NKAIN3: variants seen among roughly 807,000 people sequenced by gnomAD.
NKAIN3 encodes the protein sodium/potassium transporting ATPase interacting 3, also known as sodium/potassium-transporting ATPase subunit beta-1-interacting protein 3.
NKAIN3 carries 25 observed loss-of-function variants against 30.2 expected under a neutral mutation model. The observed-to-expected ratio is 0.83, with a 90% CI of 0.60 to 1.16. The LOEUF (loss-of-function observed/expected upper bound fraction) is 1.16, where lower values mean the gene tolerates loss of function less well. Ranked by LOEUF, NKAIN3 falls within the 50% of genes most tolerant of loss-of-function variation. NKAIN3 has a pLI of 0.00. For synonymous variants in NKAIN3, 91 were observed against 89.6 expected (o/e 1.02, Z -0.09); for missense variants, 225 against 254.1 (o/e 0.89, Z 0.78).
intron 1 of NKAIN3, among the ~76,000 whole-genome samples, chr8:62,501,182 GA>G (rs1375294861): frequency 6.6e-6 from 1 of 152,014 alleles, no homozygotes; most frequent in African/African-American, 2.4e-5. Context: ...ATTATTTGGT[GA>G]ATACAATATG....
intron 3 of NKAIN3, among the ~76,000 whole-genome samples, chr8:62,739,805 A>C (rs115482579): frequency 0.011 from 1,643 of 152,282 alleles, 30 homozygotes; most frequent in African/African-American, 0.036. Context: ...AAAGATAAGA[A>C]AGAGGAGATC....
In NKAIN3 at chr8:62,977,559, CTTCTCTAAACTGGTTA is replaced by C. The variant is rs533783086; in HGVS notation, c.*12173_*12188del. 5.7e-3 allele frequency among the ~76,000 whole-genome samples: 870 copies of C among 152,028 alleles called. 5 individuals are homozygous for C. Among genetic ancestry groups the C allele is most frequent in the African/African-American group, 0.02 (824 of 41,454 alleles). ...TCAGCTCCATCAGGTCATTTGTGTT[CTTCTCTAAACTGGTTA>C]TTCTCTAAACTGGTTATTCTAGTTA... On this transcript the variant is annotated 3_prime_UTR_variant, in exon 7 of 7. Coordinates refer to ENST00000623646, the MANE Select transcript of NKAIN3 (RefSeq NM_001304533.3).
intron 4 of NKAIN3, chr8:62,863,472 A>C: frequency 4.5e-6 from 7 of 1,553,316 alleles, no homozygotes; most frequent in Non-Finnish European, 6.1e-6. Context: ...GGAAATGTCA[A>C]ATGATACTCT....
intron 3 of NKAIN3, among the ~76,000 whole-genome samples, chr8:62,726,843 G>A (rs912182274): frequency 6.6e-6 from 1 of 151,986 alleles, no homozygotes; most frequent in African/African-American, 2.4e-5. Flanking sequence ...TACTCCCTAA[G>A]TCATACTCTA....
chr8:62,877,802 A>G (rs1820844551), intron 4 of NKAIN3, among the ~76,000 whole-genome samples: 1 of 152,156 alleles, frequency 6.6e-6, no homozygotes, highest in African/African-American at 2.4e-5. Flanking sequence ...GCACTTTGGG[A>G]GGCTGAGGCG....
At chr8:62,560,615 C>G (rs1369411835) in intron 1 of NKAIN3, among the ~76,000 whole-genome samples, 1 of 136,674 alleles carries the variant, frequency 7.3e-6, no homozygotes, top group African/African-American at 2.7e-5. Context: ...TCTCAGCTCA[C>G]TACAACCTCC....
At chr8:62,273,025 C>T (rs1812824943) in intron 1 of NKAIN3, among the ~76,000 whole-genome samples, 1 of 152,156 alleles carries the variant, frequency 6.6e-6, no homozygotes, top group Non-Finnish European at 1.5e-5. Context: ...CTCAATTCCA[C>T]AGCTGTAGCA....
At chr8:62,554,368 GAGTCTAATAGA>G (rs1445648861) in intron 1 of NKAIN3, among the ~76,000 whole-genome samples, 1 of 152,094 alleles carries the variant, frequency 6.6e-6, no homozygotes, top group Non-Finnish European at 1.5e-5. Context: ...CTCAAGCTAG[GAGTCTAATAGA>G]AGAATCTTTT....
chr8:62,524,724 G>A (rs1403111282), intron 1 of NKAIN3, among the ~76,000 whole-genome samples: 1 of 152,158 alleles, frequency 6.6e-6, no homozygotes, highest in Non-Finnish European at 1.5e-5. Context: ...AAGGTTTTAA[G>A]CGGAAGAGCT....
At chr8:62,340,869 G>A (rs913034198) in intron 1 of NKAIN3, among the ~76,000 whole-genome samples, 1 of 151,792 alleles carries the variant, frequency 6.6e-6, no homozygotes, top group Non-Finnish European at 1.5e-5. Context: ...GCTTAGGGGA[G>A]CCTAATGAAA....
At chr8:62,944,219 G>C (rs1823060348) in intron 5 of NKAIN3, among the ~76,000 whole-genome samples, 1 of 151,892 alleles carries the variant, frequency 6.6e-6, no homozygotes, top group Non-Finnish European at 1.5e-5. Context: ...CATAAATCAA[G>C]TAGATCTATT....
At chr8:62,956,881 G>A (rs995633860) in intron 6 of NKAIN3, among the ~76,000 whole-genome samples, 2 of 152,248 alleles carry the variant, frequency 1.3e-5, no homozygotes, top group South Asian at 4.1e-4. Context: ...GAAATTTTAT[G>A]CGGGAGGGGG....
intron 5 of NKAIN3, among the ~76,000 whole-genome samples, chr8:62,949,086 G>A (rs1422629257): frequency 2.6e-5 from 4 of 152,156 alleles, no homozygotes; most frequent in Non-Finnish European, 5.9e-5. Flanking sequence ...GCCCCTGGAG[G>A]GCTACATCTT....
Position 62,752,316 on chromosome 8 carries a change from A to G in NKAIN3, c.471+5187A>G, listed in dbSNP as rs79565547. Reference sequence around the variant, plus strand: ...ACTGCCCTGTGCTTGTCCTTATCCTATTTAGGCTGGTCCGTCTTTTGAAGG... The same window carrying G: ...ACTGCCCTGTGCTTGTCCTTATCCTGTTTAGGCTGGTCCGTCTTTTGAAGG... On this transcript the variant is annotated intron_variant, in intron 4 of 6. Coordinates refer to ENST00000623646, the MANE Select transcript of NKAIN3 (RefSeq NM_001304533.3). 3.3e-4 allele frequency among the ~76,000 whole-genome samples: 50 copies of G among 152,270 alleles called. No homozygotes were observed. The East Asian group carries it at 8.7e-3, about 26-fold the overall frequency.
chr8:62,327,749 C>T (rs148856829), intron 1 of NKAIN3, among the ~76,000 whole-genome samples: 241 of 151,882 alleles, frequency 1.6e-3, no homozygotes, highest in Non-Finnish European at 2.5e-3. Flanking sequence ...CTTTTTTTAT[C>T]GCGATTGTTT....
At chr8:62,387,587 C>G in intron 1 of NKAIN3, among the ~76,000 whole-genome samples, 1 of 152,154 alleles carries the variant, frequency 6.6e-6, no homozygotes, top group East Asian at 1.9e-4. Context: ...TTCATCATCA[C>G]CTTAGTTTCT....
At chr8:62,901,497 C>T (rs572646827) in intron 4 of NKAIN3, among the ~76,000 whole-genome samples, 25 of 152,252 alleles carry the variant, frequency 1.6e-4, no homozygotes, top group African/African-American at 6.0e-4. Flanking sequence ...GTTTCTCACA[C>T]ATAACACCCT....
chr8:62,852,546 A>T (rs1045887172), intron 4 of NKAIN3, among the ~76,000 whole-genome samples: 5 of 152,104 alleles, frequency 3.3e-5, no homozygotes, highest in African/African-American at 1.2e-4. Context: ...TTGTGATATT[A>T]GGGTATCAAT....
chr8:62,908,774 A>G (rs755233106), intron 4 of NKAIN3, among the ~76,000 whole-genome samples: 2 of 152,198 alleles, frequency 1.3e-5, no homozygotes, highest in Non-Finnish European at 2.9e-5. Flanking sequence ...TAAATTACCC[A>G]GTCTTAGGTA....
Sources: gnomAD v4.1 joint callset for allele counts (sites outside exome capture counted in the v4.1 genomes callset) on GRCh38, gnomAD v4.1.1 for gene constraint, MANE v1.5 for transcripts, NCBI Gene and HGNC (gene_info 2026-07-23, HGNC 2026-07-21) for gene names.